Variants in KLHL29 observed in about 807,000 individuals in gnomAD.
The protein encoded by KLHL29 is kelch-like protein 29.
Under a neutral mutation model 80.4 loss-of-function variants are expected in KLHL29, and 21 were observed. The observed-to-expected ratio is 0.26, with a 90% CI of 0.19 to 0.38. The LOEUF (loss-of-function observed/expected upper bound fraction) is 0.38, where lower values mean the gene tolerates loss of function less well. KLHL29 is among the 10% of genes least tolerant of loss of function. KLHL29 has a pLI of 1.00. For synonymous variants in KLHL29, 511 were observed against 526.8 expected (o/e 0.97, Z 0.41); for missense variants, 867 against 1,223.9 (o/e 0.71, Z 4.35).
intron 5 of KLHL29, among the ~76,000 whole-genome samples, chr2:23,649,363 TC>T (rs1670026996): frequency 6.6e-6 from 1 of 152,126 alleles, no homozygotes; most frequent in African/African-American, 2.4e-5. Flanking sequence ...TCAGGAAGCC[TC>T]CTCCCCTCGC....
intron 3 of KLHL29, among the ~76,000 whole-genome samples, chr2:23,606,790 C>T (rs1230501140): frequency 6.6e-6 from 1 of 152,220 alleles, no homozygotes; most frequent in East Asian, 1.9e-4. Flanking sequence ...AGGCACTGTC[C>T]TAGTCCCTTA....
intron 5 of KLHL29, among the ~76,000 whole-genome samples, chr2:23,660,090 A>G (rs1279660087): frequency 6.6e-6 from 1 of 151,494 alleles, no homozygotes; most frequent in Non-Finnish European, 1.5e-5. Context: ...GGACCCCCAC[A>G]CCATGTGGAA....
rs536941413 is a variant in KLHL29 at position 23,648,585 on chromosome 2, C to T, written c.940+5735C>T. On this transcript the variant is annotated intron_variant, in intron 5 of 13. Coordinates refer to ENST00000486442, the MANE Select transcript of KLHL29 (RefSeq NM_052920.2). ...GTTGCTGGGAACTTCTCCCTAATTC[C>T]GGGAGCTATCTGTCTTGGGAGAGCT... 9.8e-5 allele frequency among the ~76,000 whole-genome samples: 15 copies of T among 152,308 alleles called. No homozygotes were observed. The East Asian group carries it at 2.3e-3, about 24-fold the overall frequency.
At chr2:23,551,432 G>C (rs1447540908) in intron 2 of KLHL29, among the ~76,000 whole-genome samples, 1 of 152,124 alleles carries the variant, frequency 6.6e-6, no homozygotes, top group Non-Finnish European at 1.5e-5. Context: ...TGGGAGGCTT[G>C]TTCTTTTAAT....
At chr2:23,519,407 A>G (rs1042387367) in intron 2 of KLHL29, among the ~76,000 whole-genome samples, 9 of 147,792 alleles carry the variant, frequency 6.1e-5, no homozygotes, top group Admixed American at 3.4e-4. Context: ...ATGGCATCCG[A>G]TGACTCCCCC....
intron 3 of KLHL29, among the ~76,000 whole-genome samples, chr2:23,618,986 CT>C (rs1669097301): frequency 6.6e-6 from 1 of 152,226 alleles, no homozygotes; most frequent in Admixed American, 6.5e-5. Context: ...AGACAGCCCC[CT>C]TTACAGGCAG....
At chr2:23,458,308 A>C (rs1374417025) in intron 1 of KLHL29, among the ~76,000 whole-genome samples, 1 of 152,250 alleles carries the variant, frequency 6.6e-6, no homozygotes, top group Non-Finnish European at 1.5e-5. Flanking sequence ...CTGTTTCTAT[A>C]AAGTAAGTAT....
At chr2:23,397,484 G>A (rs1666478345) in intron 1 of KLHL29, among the ~76,000 whole-genome samples, 2 of 152,370 alleles carry the variant, frequency 1.3e-5, no homozygotes, top group South Asian at 2.1e-4. Flanking sequence ...ACTGTCTGCT[G>A]TTTTTATTCC....
At chr2:23,612,100 T>A (rs1668886001) in intron 3 of KLHL29, among the ~76,000 whole-genome samples, 1 of 152,162 alleles carries the variant, frequency 6.6e-6, no homozygotes, top group Non-Finnish European at 1.5e-5. Flanking sequence ...GTGAGAACAT[T>A]TCTAAACTGT....
intron 2 of KLHL29, among the ~76,000 whole-genome samples, chr2:23,485,604 C>T (rs1312989824): frequency 1.3e-5 from 2 of 152,226 alleles, no homozygotes; most frequent in African/African-American, 4.8e-5. Context: ...CTCAACATTG[C>T]ATTCAAGCCA....
intron 2 of KLHL29, among the ~76,000 whole-genome samples, chr2:23,553,672 TG>T (rs1304067037): frequency 6.6e-6 from 1 of 152,122 alleles, no homozygotes; most frequent in East Asian, 1.9e-4. Context: ...CGGACCTTGA[TG>T]GGGGGGCCTC....
chr2:23,564,422 C>G (rs1282678229), intron 3 of KLHL29, among the ~76,000 whole-genome samples: 1 of 152,194 alleles, frequency 6.6e-6, no homozygotes, highest in East Asian at 1.9e-4. Flanking sequence ...TGAGGACAGC[C>G]CGCTCCTTGG....
intron 1 of KLHL29, among the ~76,000 whole-genome samples, chr2:23,436,691 T>C (rs1244169357): frequency 6.6e-6 from 1 of 152,178 alleles, no homozygotes; most frequent in Non-Finnish European, 1.5e-5. Flanking sequence ...GACTTGAAAA[T>C]GCATTGGAGA....
chr2:23,687,904 ACAGT>A lies in KLHL29; in HGVS notation c.1079+3371_1079+3374del, dbSNP rs776926573. 1.5e-3 allele frequency among the ~76,000 whole-genome samples: 229 copies of A among 152,194 alleles called. 1 individual carries two copies. The highest frequency in any genetic ancestry group is 5.2e-3 in the African/African-American group (216 of 41,516). The stretch of plus-strand genomic sequence containing the variant: ...ACCAGATGTGTGTTTTGTAAAGATG[ACAGT>A]CAGACCATGAGCGGGAGAGCTGGGT... On this transcript the variant is annotated intron_variant, in intron 6 of 13. Transcript: ENST00000486442.
At chr2:23,477,548 C>T (rs987541312) in intron 2 of KLHL29, among the ~76,000 whole-genome samples, 2 of 152,250 alleles carry the variant, frequency 1.3e-5, no homozygotes, top group Non-Finnish European at 2.9e-5. Context: ...CCCAGCAGCC[C>T]AGTGGGGGCA....
Position 23,581,581 on chromosome 2 carries a change from T to C in KLHL29, c.285+19100T>C, listed in dbSNP as rs1329447109. 3.3e-5 allele frequency among the ~76,000 whole-genome samples: 5 copies of C among 152,204 alleles called. No individual in the cohort carries two copies. The East Asian group carries it at 9.7e-4, about 29-fold the overall frequency. ...TGGCTCACGCCTATAATCCCAGCACTTTGGGAGGCCGAGGTGGGCGGATCA... is the reference window on the plus strand; with the variant it reads ...TGGCTCACGCCTATAATCCCAGCACCTTGGGAGGCCGAGGTGGGCGGATCA... On this transcript the variant is annotated intron_variant, in intron 3 of 13. Coordinates refer to ENST00000486442, the MANE Select transcript of KLHL29 (RefSeq NM_052920.2).
intron 3 of KLHL29, among the ~76,000 whole-genome samples, chr2:23,585,678 C>G (rs1225130180): frequency 3.3e-5 from 5 of 152,062 alleles, no homozygotes; most frequent in African/African-American, 1.2e-4. Flanking sequence ...GCCAGCCTGC[C>G]CAGATTTTTG....
At chr2:23,641,717 C>G (rs532542742) in intron 4 of KLHL29, among the ~76,000 whole-genome samples, 3 of 152,312 alleles carry the variant, frequency 2.0e-5, no homozygotes, top group Non-Finnish European at 4.4e-5. Flanking sequence ...GGCGTGGTGG[C>G]TCATACCTGT....
intron 1 of KLHL29, among the ~76,000 whole-genome samples, chr2:23,444,589 G>A: frequency 6.6e-6 from 1 of 152,156 alleles, no homozygotes; most frequent in East Asian, 1.9e-4. Context: ...GCCTCCCAAA[G>A]TGCTGGGATT....
Sources: allele counts gnomAD v4.1 joint callset (sites outside exome capture counted in the v4.1 genomes callset), GRCh38; gene constraint gnomAD v4.1.1; transcripts MANE v1.5; gene names NCBI Gene and HGNC (gene_info 2026-07-23, HGNC 2026-07-21).